RABGAP1L: variants seen among roughly 807,000 people sequenced by gnomAD.
The protein encoded by RABGAP1L is rab GTPase-activating protein 1-like.
In RABGAP1L, 63 loss-of-function variants were observed where a neutral mutation model predicts 137.7. The observed-to-expected ratio is 0.46, with a 90% CI of 0.37 to 0.56. The LOEUF (loss-of-function observed/expected upper bound fraction) is 0.56. RABGAP1L is among the 20% of genes least tolerant of loss of function. The probability of loss-of-function intolerance (pLI) is 0.00; values close to 1 mark genes in which losing one functional copy is unlikely to be tolerated. For synonymous variants in RABGAP1L, 431 were observed against 433.7 expected, an observed-to-expected ratio of 0.99 and a Z score of 0.08; for missense variants, 1,095 against 1,244.0, an observed-to-expected ratio of 0.88 and a Z score of 1.80.
At chr1:174,900,720 A>G (rs1208288760) in intron 19 of RABGAP1L, among the ~76,000 whole-genome samples, 1 of 152,066 alleles carries the variant, frequency 6.6e-6, no homozygotes, top group East Asian at 1.9e-4. Flanking sequence ...GGGTTTCACC[A>G]TGTTGGCCAG....
intron 13 of RABGAP1L, among the ~76,000 whole-genome samples, chr1:174,396,293 A>G (rs534960069): frequency 6.6e-6 from 1 of 152,216 alleles, no homozygotes; most frequent in East Asian, 1.9e-4. Context: ...ACTGAATTGT[A>G]CACTTCTAAA....
intron 13 of RABGAP1L, among the ~76,000 whole-genome samples, chr1:174,558,780 T>C (rs552990874): frequency 6.6e-6 from 1 of 152,322 alleles, no homozygotes; most frequent in South Asian, 2.1e-4. Context: ...TATATGAGGC[T>C]AGAAGAAAAC....
intron 13 of RABGAP1L, among the ~76,000 whole-genome samples, chr1:174,514,229 A>C (rs899600572): frequency 9.7e-5 from 13 of 134,070 alleles, no homozygotes; most frequent in African/African-American, 3.8e-4. Flanking sequence ...ATCATGAAGC[A>C]TGTGTTATAT....
intron 11 of RABGAP1L, among the ~76,000 whole-genome samples, chr1:174,305,368 C>A (rs1259936967): frequency 6.6e-6 from 1 of 152,056 alleles, no homozygotes; most frequent in Non-Finnish European, 1.5e-5. Context: ...CTGTTGTTTT[C>A]TATTTTATTT....
chr1:174,365,687 G>C (rs1684554070), intron 11 of RABGAP1L, among the ~76,000 whole-genome samples: 1 of 152,172 alleles, frequency 6.6e-6, no homozygotes, highest in Admixed American at 6.5e-5. Context: ...TTGCCTTTCT[G>C]CACCACACGG....
Position 174,380,271 on chromosome 1 carries a change from T to C in RABGAP1L, c.1559+9199T>C, listed in dbSNP as rs996047983. Among the ~76,000 whole-genome samples, 79 of 152,244 alleles carry C rather than the reference T, an allele frequency of 5.2e-4. 1 individual carries two copies. The highest frequency in any genetic ancestry group is 1.6e-3 in the Admixed American group (25 of 15,288). ...TCTCTTTTTTGGTTGTGTCTCTGCC[T>C]GGCTTTGGTATCAGAATGATGCTGG... is the stretch of plus-strand genomic sequence containing the variant. On this transcript the variant is annotated intron_variant, in intron 12 of 25. Transcript: ENST00000681986.
intron 12 of RABGAP1L, among the ~76,000 whole-genome samples, chr1:174,391,321 T>TCG (rs1687193414): frequency 1.3e-5 from 2 of 152,130 alleles, no homozygotes; most frequent in African/African-American, 4.8e-5. Flanking sequence ...AGGATTTTTT[T>TCG]CAATGTTCTT....
chr1:174,850,331 A>C (rs1162915681), intron 19 of RABGAP1L, among the ~76,000 whole-genome samples: 1 of 152,196 alleles, frequency 6.6e-6, no homozygotes, highest in East Asian at 1.9e-4. Context: ...GTCTTCCCAA[A>C]TACATATGCT....
At chr1:174,986,346 C>G (rs1016173930) in intron 24 of RABGAP1L, among the ~76,000 whole-genome samples, 1 of 152,226 alleles carries the variant, frequency 6.6e-6, no homozygotes, top group African/African-American at 2.4e-5. Context: ...AGGCCTCATT[C>G]TCCTGGGTGA....
At position 174,994,860 on chromosome 1, in the gene RABGAP1L, TG is replaced by T. The variant is rs1348170973; in HGVS notation, c.*4860del. 1 of 152,270 alleles carries T rather than the reference TG, an allele frequency of 6.6e-6. No homozygotes were observed. The highest frequency in any genetic ancestry group is 1.9e-4 in the East Asian group (1 of 5,204). 9.4% of individuals were successfully genotyped at this position (152,270 alleles called of 1,614,324 possible). A position where few individuals can be genotyped will look rare whatever the true frequency, so the allele number is the denominator to read the frequency against. Reference sequence around the variant, plus strand: ...GAGGAGGTAGTAGAGATTCTGGAATTGTCTATTTTTATGAATTCCATTATTT... The same window carrying T: ...GAGGAGGTAGTAGAGATTCTGGAATTTCTATTTTTATGAATTCCATTATTT... On this transcript the variant is annotated 3_prime_UTR_variant, in exon 26 of 26. Coordinates refer to ENST00000681986, the MANE Select transcript of RABGAP1L (RefSeq NM_001366446.1).
chr1:174,469,729 T>C (rs1467267418), intron 13 of RABGAP1L, among the ~76,000 whole-genome samples: 1 of 152,100 alleles, frequency 6.6e-6, no homozygotes, highest in Non-Finnish European at 1.5e-5. Flanking sequence ...CAACCAAAGG[T>C]GCATTATTTC....
At chr1:174,242,497 C>T (rs961123978) in intron 5 of RABGAP1L, among the ~76,000 whole-genome samples, 2 of 152,156 alleles carry the variant, frequency 1.3e-5, no homozygotes, top group Admixed American at 6.5e-5. Flanking sequence ...TTATTCTAGC[C>T]TCTATCATGA....
intron 13 of RABGAP1L, among the ~76,000 whole-genome samples, chr1:174,565,026 T>C (rs1667475253): frequency 1.3e-5 from 2 of 152,232 alleles, no homozygotes; most frequent in Non-Finnish European, 1.5e-5. Context: ...ACTTTAATAA[T>C]TCTTTTTAAA....
At chr1:174,221,588 T>C (rs1372026833) in intron 3 of RABGAP1L, among the ~76,000 whole-genome samples, 1 of 152,210 alleles carries the variant, frequency 6.6e-6, no homozygotes, top group Non-Finnish European at 1.5e-5. Flanking sequence ...AAATAATAAA[T>C]ACATCTATGA....
chr1:174,318,180 C>G (rs1242395708), intron 11 of RABGAP1L, among the ~76,000 whole-genome samples: 1 of 151,456 alleles, frequency 6.6e-6, no homozygotes, highest in Non-Finnish European at 1.5e-5. Context: ...AATTGATGTT[C>G]TTGCACAGGG....
rs371159811 is a variant in RABGAP1L, at chr1:174,880,587, C to T, written c.2340+68627C>T. ...TCCCTCCCTCCCTCTCTTCCTTCCTCCCTGCCTCTCTTCCTTTTTTGAGAC... is the reference window on the plus strand; with the variant it reads ...TCCCTCCCTCCCTCTCTTCCTTCCTTCCTGCCTCTCTTCCTTTTTTGAGAC... On this transcript the variant is annotated intron_variant, in intron 19 of 25. Coordinates refer to ENST00000681986, the MANE Select transcript of RABGAP1L (RefSeq NM_001366446.1). Among the ~76,000 whole-genome samples the T allele has an allele frequency of 2.1e-5, 3 of 143,332 alleles. No homozygotes were observed. In the East Asian group the frequency reaches 6.9e-4, roughly 33 times the overall value. 94.0% of individuals were successfully genotyped at this position (143,332 alleles called of 152,430 possible).
At chr1:174,703,606 A>G (rs956762999) in intron 17 of RABGAP1L, among the ~76,000 whole-genome samples, 37 of 152,294 alleles carry the variant, frequency 2.4e-4, no homozygotes, top group African/African-American at 7.7e-4. Context: ...TAGGTACCCA[A>G]TAGTGGGATT....
At chr1:174,725,676 G>T (rs1681919787) in intron 17 of RABGAP1L, among the ~76,000 whole-genome samples, 1 of 152,118 alleles carries the variant, frequency 6.6e-6, no homozygotes, top group Non-Finnish European at 1.5e-5. Flanking sequence ...AGTACTATCT[G>T]TTTGCTTGCT....
intron 19 of RABGAP1L, chr1:174,849,749 T>C: frequency 2.0e-6 from 1 of 489,488 alleles, no homozygotes; most frequent in East Asian, 5.9e-5. Flanking sequence ...AATGGTATTC[T>C]TGGGCTATTT....
Sources: gnomAD v4.1 joint callset for allele counts (sites outside exome capture counted in the v4.1 genomes callset) on GRCh38, gnomAD v4.1.1 for gene constraint, MANE v1.5 for transcripts, NCBI Gene and HGNC (gene_info 2026-07-23, HGNC 2026-07-21) for gene names.